SLC9A8: variants seen among roughly 807,000 people sequenced by gnomAD.
SLC9A8 encodes sodium/hydrogen exchanger 8.
A neutral mutation model predicts 66.6 loss-of-function variants in SLC9A8; 48 were observed. The observed-to-expected ratio is 0.72, with a 90% CI of 0.57 to 0.92. SLC9A8 has a LOEUF of 0.92. Ranked by LOEUF, SLC9A8 falls within the 40% of genes least tolerant of loss-of-function variation. SLC9A8 has a pLI of 0.00. For synonymous variants in SLC9A8, 274 were observed against 282.6 expected (o/e 0.97, Z 0.31); for missense variants, 599 against 747.3 (o/e 0.80, Z 2.31).
At chr20:49,854,721 C>T (rs1435025975) in intron 7 of SLC9A8, among the ~76,000 whole-genome samples, 2 of 152,194 alleles carry the variant, frequency 1.3e-5, no homozygotes, top group Non-Finnish European at 2.9e-5. Flanking sequence ...CGGTTTTCTC[C>T]TCTGTCATTG....
chr20:49,888,209 G>T lies in SLC9A8; in HGVS notation c.*273G>T, dbSNP rs913648312. On this transcript the variant is annotated 3_prime_UTR_variant, in exon 16 of 16. Coordinates refer to ENST00000361573, the MANE Select transcript of SLC9A8 (RefSeq NM_015266.3). ...TCAGCCCACAGAGGGGAGGGAGCAT[G>T]GGGCCAGGTGCCAGTCATCTGTGAA... 8 of 367,962 alleles carry T rather than the reference G, an allele frequency of 2.2e-5. No homozygotes were observed. The highest frequency in any genetic ancestry group is 2.0e-4 in the South Asian group (8 of 40,050). 22.8% of individuals were successfully genotyped at this position (367,962 alleles called of 1,614,324 possible). A position where few individuals can be genotyped will look rare whatever the true frequency, so the allele number is the denominator to read the frequency against.
intron 13 of SLC9A8, 56 bp from the exon 14 acceptor site, chr20:49,883,789 GC>G: frequency 7.0e-7 from 1 of 1,438,414 alleles, no homozygotes; most frequent in African/African-American, 1.4e-5. Context: ...AGGGAAGCCA[GC>G]CCATGAAGCT....
intron 13 of SLC9A8, among the ~76,000 whole-genome samples, chr20:49,882,423 C>G (rs2089663120): frequency 6.6e-6 from 1 of 152,226 alleles, no homozygotes. Flanking sequence ...CCATGCTCCT[C>G]CTTTCTCTCC....
At chr20:49,868,683 C>G (rs2089074449) in intron 10 of SLC9A8, among the ~76,000 whole-genome samples, 1 of 152,208 alleles carries the variant, frequency 6.6e-6, no homozygotes, top group Admixed American at 6.5e-5. Flanking sequence ...CTCTTATTGG[C>G]TGTGTAACCT....
Position 49,888,072 on chromosome 20 carries a change from C to A in SLC9A8, c.*136C>A. 1.5e-6 allele frequency: 1 copy of A among 671,740 alleles called. No individual in the cohort carries two copies. The highest frequency in any genetic ancestry group is 2.5e-5 in the Admixed American group (1 of 39,836). The allele number at this position is 671,740 out of a possible 1,614,324, so 41.6% of individuals were successfully genotyped here. A position where few individuals can be genotyped will look rare whatever the true frequency, so the allele number is the denominator to read the frequency against. ...ATAAGAGGGCGGGGCGAGGTACTGGCTGCAGAGTCGCCTTAGTCCAGAACC... is the reference window on the plus strand; with the variant it reads ...ATAAGAGGGCGGGGCGAGGTACTGGATGCAGAGTCGCCTTAGTCCAGAACC... On this transcript the variant is annotated 3_prime_UTR_variant, in exon 16 of 16. Transcript: ENST00000361573.
At chr20:49,859,445 A>G (rs1309227209) in intron 8 of SLC9A8, among the ~76,000 whole-genome samples, 1 of 151,234 alleles carries the variant, frequency 6.6e-6, no homozygotes, top group Admixed American at 6.6e-5. Flanking sequence ...GATACAGAAA[A>G]GGGGCATGTC....
intron 5 of SLC9A8, among the ~76,000 whole-genome samples, chr20:49,846,460 C>G (rs1264450432): frequency 1.3e-5 from 2 of 150,998 alleles, no homozygotes; most frequent in Non-Finnish European, 2.9e-5. Context: ...CCCCAAAACC[C>G]TACCTCCCAG....
At chr20:49,814,360 G>T (rs757660652) in intron 1 of SLC9A8, among the ~76,000 whole-genome samples, 1 of 152,146 alleles carries the variant, frequency 6.6e-6, no homozygotes, top group Non-Finnish European at 1.5e-5. Flanking sequence ...CTGGAATAAA[G>T]CAGTGCTCAG....
At chr20:49,882,339 G>A (rs1043395945) in intron 13 of SLC9A8, among the ~76,000 whole-genome samples, 22 of 152,302 alleles carry the variant, frequency 1.4e-4, no homozygotes, top group African/African-American at 3.6e-4. Context: ...GTCCGCCCCC[G>A]TCCTAGCCTA....
intron 2 of SLC9A8, among the ~76,000 whole-genome samples, chr20:49,821,800 T>C (rs186719029): frequency 5.3e-5 from 8 of 152,304 alleles, no homozygotes; most frequent in African/African-American, 1.4e-4. Context: ...GGCAGAAATA[T>C]CCCTTTCAAA....
intron 2 of SLC9A8, among the ~76,000 whole-genome samples, chr20:49,819,330 G>A (rs921953293): frequency 1.2e-4 from 19 of 152,118 alleles, no homozygotes; most frequent in Admixed American, 7.2e-4. Flanking sequence ...TTTCTTGCTC[G>A]GTTTTTTTCC....
chr20:49,879,319 G>T (rs2089543368), intron 12 of SLC9A8, among the ~76,000 whole-genome samples: 1 of 152,196 alleles, frequency 6.6e-6, no homozygotes, highest in African/African-American at 2.4e-5. Context: ...GGGCTTTGGG[G>T]TCTGAACCAG....
At chr20:49,875,828 G>A (rs749248301) in intron 11 of SLC9A8, among the ~76,000 whole-genome samples, 7 of 151,756 alleles carry the variant, frequency 4.6e-5, no homozygotes, top group Non-Finnish European at 7.4e-5. Context: ...TCCGCCTCCC[G>A]GGTTCATGCC....
intron 5 of SLC9A8, 85 bp from the exon 6 acceptor site, chr20:49,849,494 A>G (rs2088156942): frequency 9.8e-7 from 1 of 1,022,710 alleles, no homozygotes; most frequent in East Asian, 2.5e-5. Flanking sequence ...TCAAGTCTGC[A>G]CGGAGGGCCA....
chr20:49,856,782 AC>A (rs1568845845), intron 8 of SLC9A8, among the ~76,000 whole-genome samples: 1 of 149,942 alleles, frequency 6.7e-6, no homozygotes, highest in Non-Finnish European at 1.5e-5. Flanking sequence ...AGATCACACC[AC>A]TGGATTCCAG....
At chr20:49,833,250 G>A (rs1357661782) in intron 3 of SLC9A8, among the ~76,000 whole-genome samples, 2 of 152,120 alleles carry the variant, frequency 1.3e-5, no homozygotes, top group Non-Finnish European at 2.9e-5. Flanking sequence ...GAAAAAGCTT[G>A]TAAGACAGCA....
intron 6 of SLC9A8, 47 bp from the exon 7 acceptor site, chr20:49,850,763 G>GT (rs564652819): frequency 0.011 from 13,694 of 1,235,734 alleles, 1 homozygote; most frequent in South Asian, 0.026. Context: ...GTTCTCCAGG[G>GT]TTTTTTTTTT....
intron 6 of SLC9A8, 77 bp from the exon 7 acceptor site, chr20:49,850,733 T>C (rs2088209713): frequency 6.3e-7 from 1 of 1,575,692 alleles, no homozygotes; most frequent in East Asian, 2.2e-5. Context: ...AAAGCACTAA[T>C]GGACATTTAA....
chr20:49,891,370 C>T lies in SLC9A8; in HGVS notation c.*3434C>T, dbSNP rs2090039597. 1 of 152,148 alleles carries T rather than the reference C, an allele frequency of 6.6e-6. No homozygotes were observed. Among genetic ancestry groups the T allele is most frequent in the African/African-American group, 2.4e-5 (1 of 41,402 alleles). The allele number at this position is 152,148 out of a possible 1,614,324, so 9.4% of individuals were successfully genotyped here. The stretch of plus-strand genomic sequence containing the variant: ...CAGCCCCGGGTCCTCTGTCTAACGC[C>T]CTCCATTTCACGCCCTCCATCTCAC... On this transcript the variant is annotated 3_prime_UTR_variant, in exon 16 of 16. Transcript: ENST00000361573.
Sources: allele counts gnomAD v4.1 joint callset (sites outside exome capture counted in the v4.1 genomes callset), GRCh38; gene constraint gnomAD v4.1.1; transcripts MANE v1.5; gene names NCBI Gene and HGNC (gene_info 2026-07-23, HGNC 2026-07-21).